DLG2: variants seen among roughly 807,000 people sequenced by gnomAD.
DLG2 encodes disks large homolog 2.
Under a neutral mutation model 132.5 loss-of-function variants are expected in DLG2, and 45 were observed. The ratio of observed to expected loss-of-function variants is 0.34; its 90% CI spans 0.27 to 0.44. The LOEUF is 0.44. Ranked by LOEUF, DLG2 falls within the 20% of genes least tolerant of loss-of-function variation. The probability of loss-of-function intolerance (pLI) is 1.00; values close to 1 mark genes in which losing one functional copy is unlikely to be tolerated. For synonymous variants in DLG2, 424 were observed against 419.6 expected (o/e 1.01, Z -0.13); for missense variants, 1,045 against 1,196.9 (o/e 0.87, Z 1.87).
At chr11:84,176,694 A>C (rs755500848) in intron 8 of DLG2, among the ~76,000 whole-genome samples, 1 of 152,000 alleles carries the variant, frequency 6.6e-6, no homozygotes, top group Non-Finnish European at 1.5e-5. Context: ...TGGACTCTGA[A>C]TTTTATGCAC....
chr11:85,104,414 G>A (rs1419043420), intron 6 of DLG2, among the ~76,000 whole-genome samples: 4 of 151,838 alleles, frequency 2.6e-5, no homozygotes, highest in African/African-American at 9.7e-5. Context: ...CAACATGGAC[G>A]AACCTTGGAA....
In DLG2 at chr11:85,278,312, A is replaced by G. The variant is rs957447233; in HGVS notation, c.186+6908T>C. 1.2e-4 allele frequency among the ~76,000 whole-genome samples: 18 copies of G among 152,238 alleles called. 1 individual carries two copies. Among genetic ancestry groups the G allele is most frequent in the Non-Finnish European group, 2.4e-4 (16 of 68,038 alleles). ...TTAAAATGAAGTGAGGAATGAATCA[A>G]TAAAATATCTACCATCATGGGTTGC... is the stretch of plus-strand genomic sequence containing the variant. On this transcript the variant is annotated intron_variant, in intron 4 of 27. Coordinates refer to ENST00000376104, the MANE Select transcript of DLG2 (RefSeq NM_001142699.3).
intron 7 of DLG2, among the ~76,000 whole-genome samples, chr11:84,312,668 G>A (rs1464833637): frequency 6.6e-6 from 1 of 152,068 alleles, no homozygotes; most frequent in Non-Finnish European, 1.5e-5. Flanking sequence ...TGTGACTTAC[G>A]ATGATATAAT....
chr11:85,505,063 T>C (rs2093896759), intron 3 of DLG2, among the ~76,000 whole-genome samples: 1 of 151,368 alleles, frequency 6.6e-6, no homozygotes, highest in African/African-American at 2.4e-5. Flanking sequence ...TTTTTGCACA[T>C]TGATTTTGTA....
At chr11:83,930,529 C>A in intron 14 of DLG2, 46 bp from the exon 15 acceptor site, 1 of 1,565,618 alleles carries the variant, frequency 6.4e-7, no homozygotes, top group Non-Finnish European at 8.7e-7. Context: ...TTAGTACATA[C>A]AAGGAACACC....
chr11:84,676,940 G>A (rs2099713423), intron 6 of DLG2, among the ~76,000 whole-genome samples: 1 of 151,922 alleles, frequency 6.6e-6, no homozygotes, highest in Non-Finnish European at 1.5e-5. Flanking sequence ...GCAGAAAAGG[G>A]CCTTTTCAAA....
At chr11:83,578,056 G>GTGTGTA (rs1312102014) in intron 19 of DLG2, among the ~76,000 whole-genome samples, 7 of 111,178 alleles carry the variant, frequency 6.3e-5, no homozygotes, top group African/African-American at 2.6e-4. Flanking sequence ...GTGTGTGTGT[G>GTGTGTA]TATACATATA....
intron 3 of DLG2, among the ~76,000 whole-genome samples, chr11:85,320,162 TA>T (rs1202314224): frequency 3.3e-5 from 5 of 151,908 alleles, no homozygotes; most frequent in Non-Finnish European, 7.4e-5. Flanking sequence ...TATGCTGTGA[TA>T]AAAATATTGG....
chr11:83,724,476 T>TGAGAGAGAGAGAGAGAGAGAGA (rs59782952), intron 18 of DLG2, among the ~76,000 whole-genome samples: 2 of 118,230 alleles, frequency 1.7e-5, no homozygotes, highest in East Asian at 2.7e-4. Flanking sequence ...TGTGTGTGTG[T>TGAGAGAGAGAGAGAGAGAGAGA]GAGAGAGAGA....
chr11:85,044,303 C>T (rs1231765467), intron 6 of DLG2, among the ~76,000 whole-genome samples: 1 of 151,972 alleles, frequency 6.6e-6, no homozygotes, highest in Non-Finnish European at 1.5e-5. Context: ...ACTATACTAT[C>T]ACTGCCTAGA....
intron 6 of DLG2, among the ~76,000 whole-genome samples, chr11:84,747,306 C>A (rs942055568): frequency 5.3e-5 from 8 of 152,034 alleles, no homozygotes; most frequent in Non-Finnish European, 8.8e-5. Context: ...TATACATATT[C>A]ATACATATTC....
intron 4 of DLG2, 31 bp from the exon 5 acceptor site, chr11:85,154,682 CT>C: frequency 9.3e-7 from 1 of 1,075,552 alleles, no homozygotes; most frequent in Non-Finnish European, 1.4e-6. Context: ...ATCAATACTC[CT>C]TTTTTATTTT....
At position 85,260,817 on chromosome 11, in the gene DLG2, T is replaced by C. The variant is rs1027144174; in HGVS notation, c.186+24403A>G. 3.3e-5 allele frequency among the ~76,000 whole-genome samples: 5 copies of C among 152,280 alleles called. No individual in the cohort carries two copies. The East Asian group carries it at 9.7e-4, about 29-fold the overall frequency. On this transcript the variant is annotated intron_variant, in intron 4 of 27. Coordinates refer to ENST00000376104, the MANE Select transcript of DLG2 (RefSeq NM_001142699.3). ...TGCTGAGAAGAGCAGAACAATCACT[T>C]TTTTATTACACTGATCTGCATGTGG...
intron 6 of DLG2, among the ~76,000 whole-genome samples, chr11:84,952,259 G>T (rs2051027365): frequency 6.6e-6 from 1 of 152,158 alleles, no homozygotes; most frequent in Non-Finnish European, 1.5e-5. Flanking sequence ...AATAAAACCA[G>T]AACTGGCCGG....
intron 18 of DLG2, among the ~76,000 whole-genome samples, chr11:83,743,459 T>A (rs2092690674): frequency 7.3e-6 from 1 of 137,830 alleles, no homozygotes; most frequent in African/African-American, 2.7e-5. Context: ...TATGACAGGG[T>A]CTCACTTTGT....
intron 4 of DLG2, among the ~76,000 whole-genome samples, chr11:85,155,170 T>G (rs1005684037): frequency 5.3e-5 from 8 of 152,194 alleles, no homozygotes; most frequent in African/African-American, 1.9e-4. Flanking sequence ...AAAACAGATG[T>G]TACCTAAACT....
intron 18 of DLG2, among the ~76,000 whole-genome samples, chr11:83,754,007 C>A (rs980098756): frequency 6.7e-6 from 1 of 148,416 alleles, no homozygotes; most frequent in African/African-American, 2.6e-5. Flanking sequence ...ACAATTCAAC[C>A]AAATCCTGCC....
In DLG2 at chr11:84,508,098, G is replaced by A. The variant is rs186508329; in HGVS notation, c.519+26472C>T. On this transcript the variant is annotated intron_variant, in intron 7 of 27. Coordinates refer to ENST00000376104, the MANE Select transcript of DLG2 (RefSeq NM_001142699.3). ...TCCCCTGATCAAAGTTTTCCACTGGGTTCTCATCTCATTCTGAATGAAACC... is the reference window on the plus strand; with the variant it reads ...TCCCCTGATCAAAGTTTTCCACTGGATTCTCATCTCATTCTGAATGAAACC... Among the ~76,000 whole-genome samples the A allele has an allele frequency of 2.2e-4, 34 of 152,150 alleles. No homozygotes were observed. In the East Asian group the frequency reaches 6.2e-3, roughly 28 times the overall value.
chr11:85,318,032 A>T (rs2080809481), intron 3 of DLG2, among the ~76,000 whole-genome samples: 1 of 151,916 alleles, frequency 6.6e-6, no homozygotes, highest in Non-Finnish European at 1.5e-5. Flanking sequence ...ATTTAATTAC[A>T]TTTCCATGCC....
Sources: gnomAD v4.1 joint callset for allele counts (sites outside exome capture counted in the v4.1 genomes callset) on GRCh38, gnomAD v4.1.1 for gene constraint, MANE v1.5 for transcripts, NCBI Gene and HGNC (gene_info 2026-07-23, HGNC 2026-07-21) for gene names.